Variants in CD200R1L observed in about 807,000 individuals in gnomAD.
CD200R1L encodes CD200 receptor 1 like.
Under a neutral mutation model 24.8 loss-of-function variants are expected in CD200R1L, and 14 were observed. The ratio of observed to expected loss-of-function variants is 0.56; its 90% CI spans 0.37 to 0.88. CD200R1L has a LOEUF of 0.88. CD200R1L is among the 40% of genes least tolerant of loss of function. CD200R1L has a pLI of 0.00. For synonymous variants in CD200R1L, 111 were observed against 109.2 expected (o/e 1.02, Z -0.11); for missense variants, 299 against 297.8 (o/e 1.00, Z -0.03).
chr3:112,843,810 A>G (rs922462142), intron 2 of CD200R1L, among the ~76,000 whole-genome samples: 5 of 151,872 alleles, frequency 3.3e-5, no homozygotes, highest in Non-Finnish European at 7.3e-5. Context: ...GACCTATCTC[A>G]CACAGACCTA....
At chr3:112,829,232 G>A (rs1251328701) in intron 4 of CD200R1L, 87 bp downstream of exon 4, 1 of 1,010,100 alleles carries the variant, frequency 9.9e-7, no homozygotes. Context: ...CACAAGGCTG[G>A]CCTCCAGCCA....
At chr3:112,820,153 T>A (rs1158164136) in intron 6 of CD200R1L, among the ~76,000 whole-genome samples, 2 of 152,214 alleles carry the variant, frequency 1.3e-5, no homozygotes, top group Non-Finnish European at 2.9e-5. Context: ...TACGCATTGC[T>A]AATACTTTCC....
rs977118225 is a variant in CD200R1L at position 112,829,994 on chromosome 3, G to A, written c.-17-610C>T. On this transcript the variant is annotated intron_variant, in intron 3 of 7. Coordinates refer to ENST00000488794, the MANE Select transcript of CD200R1L (RefSeq NM_001199215.3). The stretch of plus-strand genomic sequence containing the variant: ...TGCCATTGCCCCAATATTCTTGGTT[G>A]GTGACACAATCCCCCTGCGGGGTCC... Among the ~76,000 whole-genome samples, 4 of 152,176 alleles carry A rather than the reference G, an allele frequency of 2.6e-5. No individual in the cohort carries two copies. The South Asian group carries it at 8.3e-4, about 32-fold the overall frequency.
At chr3:112,844,653 G>A (rs1037044035) in intron 2 of CD200R1L, among the ~76,000 whole-genome samples, 21 of 152,180 alleles carry the variant, frequency 1.4e-4, no homozygotes, top group African/African-American at 3.6e-4. Flanking sequence ...AAGGCCGCGC[G>A]TGGTGGCTCA....
chr3:112,818,403 A>G (rs2107326582), intron 7 of CD200R1L, among the ~76,000 whole-genome samples: 1 of 152,378 alleles, frequency 6.6e-6, no homozygotes, highest in East Asian at 1.9e-4. Context: ...ATCTTCAATG[A>G]CACTGACATT....
At chr3:112,830,955 C>T (rs183360905) in intron 3 of CD200R1L, among the ~76,000 whole-genome samples, 2 of 151,706 alleles carry the variant, frequency 1.3e-5, no homozygotes, top group Admixed American at 1.3e-4. Flanking sequence ...TATAATTGGA[C>T]CAGCTCATGT....
At chr3:112,834,595 G>T (rs551750277) in intron 3 of CD200R1L, among the ~76,000 whole-genome samples, 3 of 152,300 alleles carry the variant, frequency 2.0e-5, no homozygotes, top group Admixed American at 2.0e-4. Context: ...ATGTCACTTT[G>T]CCAGCTGGAA....
At chr3:112,834,552 A>G (rs1938887481) in intron 3 of CD200R1L, among the ~76,000 whole-genome samples, 1 of 152,212 alleles carries the variant, frequency 6.6e-6, no homozygotes, top group Admixed American at 6.5e-5. Flanking sequence ...AAGCCTGATC[A>G]TCATGAGACA....
intron 6 of CD200R1L, among the ~76,000 whole-genome samples, chr3:112,822,355 T>C (rs1197945792): frequency 6.6e-6 from 1 of 151,988 alleles, no homozygotes; most frequent in East Asian, 1.9e-4. Context: ...GGTTAGAGGG[T>C]TGAAACTTTC....
intron 3 of CD200R1L, among the ~76,000 whole-genome samples, chr3:112,830,302 G>A (rs888658410): frequency 6.6e-6 from 1 of 152,040 alleles, no homozygotes; most frequent in Non-Finnish European, 1.5e-5. Flanking sequence ...TTCTCAAAGC[G>A]TGGTTTTCAG....
chr3:112,827,782 A>G, intron 4 of CD200R1L, 98 bp from the exon 5 acceptor site: 1 of 1,196,154 alleles, frequency 8.4e-7, no homozygotes, highest in South Asian at 1.6e-5. Flanking sequence ...TTTTATTAGA[A>G]CATAAATTTG....
intron 2 of CD200R1L, 114 bp downstream of exon 2, chr3:112,845,565 C>T (rs1939182245): frequency 2.1e-5 from 18 of 852,280 alleles, no homozygotes; most frequent in Non-Finnish European, 3.4e-5. Context: ...ACATTTATCA[C>T]TGCTGCTAGG....
chr3:112,831,641 G>C (rs754514997), intron 3 of CD200R1L, among the ~76,000 whole-genome samples: 5 of 152,182 alleles, frequency 3.3e-5, no homozygotes, highest in Non-Finnish European at 7.3e-5. Flanking sequence ...ATTGGACACA[G>C]ATATGGACAC....
At chr3:112,827,760 T>G (rs1408594878) in intron 4 of CD200R1L, 76 bp from the exon 5 acceptor site, 21 of 1,351,762 alleles carry the variant, frequency 1.6e-5, no homozygotes, top group Non-Finnish European at 8.1e-6. Context: ...ATCCACAGTA[T>G]ATTACATGAA....
intron 3 of CD200R1L, among the ~76,000 whole-genome samples, chr3:112,834,014 A>G: frequency 6.6e-6 from 1 of 152,220 alleles, no homozygotes; most frequent in East Asian, 1.9e-4. Context: ...GAGGACAAGA[A>G]GGTGTGGGGT....
At chr3:112,822,402 C>T (rs1938556304) in intron 6 of CD200R1L, among the ~76,000 whole-genome samples, 1 of 152,128 alleles carries the variant, frequency 6.6e-6, no homozygotes, top group African/African-American at 2.4e-5. Context: ...CATTGACCTC[C>T]TGGGAGGGGA....
At position 112,816,044 on chromosome 3, in the gene CD200R1L, G is replaced by A; in HGVS notation, c.741-69C>T. On this transcript the variant is annotated intron_variant, in intron 7 of 7. Coordinates refer to ENST00000488794, the MANE Select transcript of CD200R1L (RefSeq NM_001199215.3). ...GAGCTTATGCAAGTGGGCATACTCAGCAAAGGAAACTGAGAAATGCCTTTT... is the reference window on the plus strand; with the variant it reads ...GAGCTTATGCAAGTGGGCATACTCAACAAAGGAAACTGAGAAATGCCTTTT... The A allele has an allele frequency of 6.6e-6, 5 of 757,436 alleles. No individual in the cohort carries two copies. In the South Asian group the frequency reaches 7.1e-5, roughly 11 times the overall value. 46.9% of individuals were successfully genotyped at this position (757,436 alleles called of 1,614,324 possible).
chr3:112,820,455 G>C (rs1938507562), intron 6 of CD200R1L, among the ~76,000 whole-genome samples: 1 of 151,946 alleles, frequency 6.6e-6, no homozygotes, highest in Non-Finnish European at 1.5e-5. Flanking sequence ...TTTTGAGAGG[G>C]AGTCTTGCAT....
chr3:112,822,404 G>C (rs1938556363), intron 6 of CD200R1L, among the ~76,000 whole-genome samples: 1 of 152,160 alleles, frequency 6.6e-6, no homozygotes, highest in African/African-American at 2.4e-5. Flanking sequence ...TTGACCTCCT[G>C]GGAGGGGAGA....
Sources: gnomAD v4.1 joint callset for allele counts (sites outside exome capture counted in the v4.1 genomes callset) on GRCh38, gnomAD v4.1.1 for gene constraint, MANE v1.5 for transcripts, NCBI Gene and HGNC (gene_info 2026-07-23, HGNC 2026-07-21) for gene names.